Variants in MYRIP observed in about 807,000 individuals in gnomAD.
MYRIP encodes myosin VIIA and Rab interacting protein.
MYRIP carries 49 observed loss-of-function variants against 98.0 expected under a neutral mutation model. The observed-to-expected ratio is 0.50, with a 90% confidence interval of 0.40 to 0.63. MYRIP has a LOEUF of 0.63. Among genes scored for constraint, MYRIP ranks in the 30% least tolerant of loss-of-function variants. MYRIP has a pLI of 0.00. For missense variants in MYRIP, 1,004 were observed against 1,058.2 expected (o/e 0.95, Z 0.71); for synonymous variants, 404 against 409.5 (o/e 0.99, Z 0.16).
intron 8 of MYRIP, among the ~76,000 whole-genome samples, chr3:40,179,790 A>C (rs1950845430): frequency 6.6e-6 from 1 of 152,228 alleles, no homozygotes. Flanking sequence ...GTGCACAACG[A>C]TAACAGTGTG....
At chr3:39,938,612 A>G (rs1944709695) in intron 2 of MYRIP, among the ~76,000 whole-genome samples, 2 of 152,246 alleles carry the variant, frequency 1.3e-5, no homozygotes, top group South Asian at 4.2e-4. Flanking sequence ...TGATTATTCC[A>G]TATGCTCATG....
At chr3:40,129,568 T>C (rs1949597591) in intron 3 of MYRIP, among the ~76,000 whole-genome samples, 1 of 149,136 alleles carries the variant, frequency 6.7e-6, no homozygotes, top group Non-Finnish European at 1.5e-5. Flanking sequence ...ACAATGTGAG[T>C]GTGGAGGTCT....
chr3:39,869,030 T>TA (rs2125627565), intron 1 of MYRIP, among the ~76,000 whole-genome samples: 1 of 152,352 alleles, frequency 6.6e-6, no homozygotes, highest in African/African-American at 2.4e-5. Flanking sequence ...GTGATGTGCC[T>TA]AGGCATGGAT....
intron 10 of MYRIP, among the ~76,000 whole-genome samples, chr3:40,194,809 G>A (rs1056941840): frequency 1.3e-5 from 2 of 151,960 alleles, no homozygotes; most frequent in Non-Finnish European, 2.9e-5. Context: ...TATACATTGT[G>A]TTGATATTGT....
chr3:40,234,141 G>A (rs1952751395), intron 12 of MYRIP, 88 bp downstream of exon 12: 1 of 1,331,236 alleles, frequency 7.5e-7, no homozygotes, highest in Non-Finnish European at 1.0e-6. Flanking sequence ...AGAGTGCAAG[G>A]ACACACACAT....
At chr3:40,219,707 G>A (rs1160326283) in intron 11 of MYRIP, among the ~76,000 whole-genome samples, 2 of 152,080 alleles carry the variant, frequency 1.3e-5, no homozygotes, top group Non-Finnish European at 2.9e-5. Flanking sequence ...GTGTATATGT[G>A]CCACATTTTC....
intron 13 of MYRIP, among the ~76,000 whole-genome samples, chr3:40,249,531 C>A (rs1953310017): frequency 6.6e-6 from 1 of 152,142 alleles, no homozygotes; most frequent in Admixed American, 6.6e-5. Context: ...CATAATAATG[C>A]CCTTTTCTAA....
intron 2 of MYRIP, among the ~76,000 whole-genome samples, chr3:40,032,719 T>C (rs1947288152): frequency 6.6e-6 from 1 of 152,142 alleles, no homozygotes; most frequent in African/African-American, 2.4e-5. Context: ...TAACTCATTT[T>C]ATGAGGCCAG....
intron 2 of MYRIP, among the ~76,000 whole-genome samples, chr3:39,932,534 C>T (rs543943094): frequency 1.5e-4 from 23 of 152,010 alleles, no homozygotes; most frequent in Admixed American, 6.6e-4. Flanking sequence ...CTAAATTTTT[C>T]GGTTTTTTGG....
At chr3:40,163,317 A>G (rs372590068) in intron 5 of MYRIP, among the ~76,000 whole-genome samples, 6 of 151,968 alleles carry the variant, frequency 3.9e-5, no homozygotes, top group African/African-American at 1.4e-4. Context: ...TCCTCCTGTG[A>G]CCTCCACAGC....
At chr3:40,065,246 C>T (rs950429770) in intron 3 of MYRIP, among the ~76,000 whole-genome samples, 1 of 152,150 alleles carries the variant, frequency 6.6e-6, no homozygotes, top group Non-Finnish European at 1.5e-5. Flanking sequence ...TGTCTTCCTA[C>T]GGCCTTTGAC....
intron 3 of MYRIP, among the ~76,000 whole-genome samples, chr3:40,081,395 T>G (rs1056270785): frequency 2.6e-5 from 4 of 152,238 alleles, no homozygotes; most frequent in African/African-American, 7.2e-5. Flanking sequence ...TTATGCTTTA[T>G]GCATTTTGAG....
intron 9 of MYRIP, among the ~76,000 whole-genome samples, chr3:40,189,370 C>A (rs1951133663): frequency 6.6e-6 from 1 of 152,160 alleles, no homozygotes; most frequent in African/African-American, 2.4e-5. Context: ...GATGTGTTAA[C>A]CTCTGAGGTC....
intron 2 of MYRIP, among the ~76,000 whole-genome samples, chr3:39,951,098 T>G (rs1945002837): frequency 6.6e-6 from 1 of 152,208 alleles, no homozygotes; most frequent in Non-Finnish European, 1.5e-5. Context: ...CAAGAAGTTT[T>G]GTCACAGATA....
In MYRIP at chr3:40,079,251, T is replaced by C. The variant is rs543997566; in HGVS notation, c.332+34980T>C. ...GGGAGCACCCTTCATTACACTGGAC[T>C]GATAGCCATACCAAGGCTATCCTGG... On this transcript the variant is annotated intron_variant, in intron 3 of 16. Coordinates refer to ENST00000302541, the MANE Select transcript of MYRIP (RefSeq NM_015460.4). 3.9e-5 allele frequency among the ~76,000 whole-genome samples: 6 copies of C among 152,348 alleles called. No individual in the cohort carries two copies. In the East Asian group the frequency reaches 7.7e-4, roughly 20 times the overall value.
intron 2 of MYRIP, among the ~76,000 whole-genome samples, chr3:39,999,024 A>T (rs1946446510): frequency 6.6e-6 from 1 of 152,252 alleles, no homozygotes; most frequent in Non-Finnish European, 1.5e-5. Flanking sequence ...ACAAAAATTA[A>T]TTCAAGATGG....
intron 3 of MYRIP, among the ~76,000 whole-genome samples, chr3:40,118,249 C>T (rs1575551409): frequency 1.3e-5 from 2 of 152,196 alleles, no homozygotes; most frequent in Admixed American, 1.3e-4. Context: ...TATGTTGCCA[C>T]AAGACTATAA....
At chr3:40,106,408 T>C (rs548490615) in intron 3 of MYRIP, among the ~76,000 whole-genome samples, 1 of 152,356 alleles carries the variant, frequency 6.6e-6, no homozygotes, top group South Asian at 2.1e-4. Context: ...TTGTTAATGC[T>C]GACTTTTGAA....
chr3:40,173,895 A>G (rs530822957), intron 8 of MYRIP: 10 of 152,378 alleles, frequency 6.6e-5, no homozygotes, highest in African/African-American at 2.2e-4. Flanking sequence ...TTTGACATCA[A>G]TGTAAAGAGA....
Sources: gnomAD v4.1 joint callset for allele counts (sites outside exome capture counted in the v4.1 genomes callset) on GRCh38, gnomAD v4.1.1 for gene constraint, MANE v1.5 for transcripts, NCBI Gene and HGNC (gene_info 2026-07-23, HGNC 2026-07-21) for gene names.